Variants in LRRN2 observed in about 807,000 individuals in gnomAD.
LRRN2 encodes the protein leucine-rich repeat neuronal protein 2.
In LRRN2, 10 loss-of-function variants were observed where a neutral mutation model predicts 35.7. That is an observed-to-expected ratio of 0.28 (90% CI 0.17 to 0.47). The LOEUF (loss-of-function observed/expected upper bound fraction) is 0.47. Ranked by LOEUF, LRRN2 falls within the 20% of genes least tolerant of loss-of-function variation. The probability of loss-of-function intolerance (pLI) is 0.99; values close to 1 mark genes in which losing one functional copy is unlikely to be tolerated. For synonymous variants in LRRN2, 391 were observed against 409.6 expected (o/e 0.95, Z 0.55); for missense variants, 731 against 940.3 (o/e 0.78, Z 2.91).
At chr1:204,649,551 T>C (rs1668179248) in intron 1 of LRRN2, among the ~76,000 whole-genome samples, 1 of 152,100 alleles carries the variant, frequency 6.6e-6, no homozygotes, top group African/African-American at 2.4e-5. Context: ...CCAGGCATTG[T>C]GCAGGCAAGA....
At chr1:204,672,271 G>C (rs1668730694) in intron 1 of LRRN2, among the ~76,000 whole-genome samples, 1 of 152,116 alleles carries the variant, frequency 6.6e-6, no homozygotes, top group Admixed American at 6.5e-5. Context: ...TAGTCCCAAG[G>C]GCACTAATAC....
chr1:204,640,768 G>A (rs1667959071), intron 1 of LRRN2, among the ~76,000 whole-genome samples: 1 of 152,138 alleles, frequency 6.6e-6, no homozygotes, highest in African/African-American at 2.4e-5. Context: ...GCGGCCACTA[G>A]GTGACACCTT....
At chr1:204,649,865 C>T (rs887787969) in intron 1 of LRRN2, among the ~76,000 whole-genome samples, 1 of 152,132 alleles carries the variant, frequency 6.6e-6, no homozygotes, top group African/African-American at 2.4e-5. Context: ...GCAGAGGCAA[C>T]CTGGCGTGAA....
At chr1:204,667,700 G>A (rs191759380) in intron 1 of LRRN2, among the ~76,000 whole-genome samples, 9 of 152,244 alleles carry the variant, frequency 5.9e-5, no homozygotes, top group African/African-American at 7.2e-5. Context: ...TGGAAAAGAT[G>A]CCACTAGAGC....
chr1:204,631,258 ATAT>A (rs1558407641), intron 1 of LRRN2, among the ~76,000 whole-genome samples: 556 of 38,970 alleles, frequency 0.014, 92 homozygotes, highest in East Asian at 0.073. Flanking sequence ...AGAGTGTTCT[ATAT>A]ATATATATAT....
chr1:204,684,000 T>G (rs533990971), intron 1 of LRRN2, among the ~76,000 whole-genome samples: 1 of 152,294 alleles, frequency 6.6e-6, no homozygotes, highest in East Asian at 1.9e-4. Flanking sequence ...TTTGAAGGGA[T>G]CTTTAAGAAG....
chr1:204,634,622 G>C (rs1336657853), intron 1 of LRRN2, among the ~76,000 whole-genome samples: 1 of 152,156 alleles, frequency 6.6e-6, no homozygotes, highest in Non-Finnish European at 1.5e-5. Flanking sequence ...TGCTACAGCT[G>C]TGTGCCAAGG....
At chr1:204,669,124 T>G (rs1056464221) in intron 1 of LRRN2, among the ~76,000 whole-genome samples, 5 of 152,242 alleles carry the variant, frequency 3.3e-5, no homozygotes, top group African/African-American at 7.2e-5. Flanking sequence ...TGCGCCTGAC[T>G]GTAAATAGCT....
intron 1 of LRRN2, among the ~76,000 whole-genome samples, chr1:204,631,376 A>AAGGTC (rs1667701103): frequency 7.0e-6 from 1 of 142,528 alleles, no homozygotes; most frequent in Non-Finnish European, 1.5e-5. Context: ...TCCTGGCCAC[A>AAGGTC]AGGGAACTCT....
chr1:204,683,602 G>A (rs1571691531), intron 1 of LRRN2, among the ~76,000 whole-genome samples: 1 of 152,202 alleles, frequency 6.6e-6, no homozygotes, highest in Admixed American at 6.5e-5. Flanking sequence ...GCCACTCGGT[G>A]TTTCCCCGGG....
intron 1 of LRRN2, among the ~76,000 whole-genome samples, chr1:204,667,386 A>G (rs1178254151): frequency 6.6e-6 from 1 of 152,178 alleles, no homozygotes; most frequent in Admixed American, 6.5e-5. Flanking sequence ...AAAGGTTAAA[A>G]AACAACAATT....
At chr1:204,637,195 A>C (rs1340364139) in intron 1 of LRRN2, among the ~76,000 whole-genome samples, 9 of 152,260 alleles carry the variant, frequency 5.9e-5, no homozygotes. Flanking sequence ...TTGAATGTGA[A>C]GCCAGGACTG....
chr1:204,670,201 C>T (rs1668678028), intron 1 of LRRN2, among the ~76,000 whole-genome samples: 4 of 151,966 alleles, frequency 2.6e-5, no homozygotes, highest in African/African-American at 9.7e-5. Context: ...GACCCAGGTG[C>T]TGTTTAGGAG....
intron 1 of LRRN2, among the ~76,000 whole-genome samples, chr1:204,653,603 G>A (rs911366371): frequency 3.9e-5 from 6 of 152,184 alleles, no homozygotes. Flanking sequence ...GCTCATGCCT[G>A]TAATCCTAGT....
At chr1:204,682,051 C>T (rs2102247234) in intron 1 of LRRN2, among the ~76,000 whole-genome samples, 1 of 152,258 alleles carries the variant, frequency 6.6e-6, no homozygotes, top group Middle Eastern at 3.4e-3. Context: ...AGCTTCTAGT[C>T]CCCATCCTTT....
chr1:204,654,092 G>A (rs1418846353), intron 1 of LRRN2, among the ~76,000 whole-genome samples: 1 of 150,314 alleles, frequency 6.7e-6, no homozygotes, highest in Non-Finnish European at 1.5e-5. Context: ...GGGTCAAACA[G>A]CTGAAGCTGG....
chr1:204,680,463 G>A (rs753860186), intron 1 of LRRN2, among the ~76,000 whole-genome samples: 1 of 152,208 alleles, frequency 6.6e-6, no homozygotes, highest in East Asian at 1.9e-4. Context: ...AACCAAACCT[G>A]GTTAAACTCA....
intron 1 of LRRN2, among the ~76,000 whole-genome samples, chr1:204,637,370 G>C (rs76483845): frequency 4.7e-4 from 71 of 152,334 alleles, no homozygotes; most frequent in African/African-American, 1.5e-3. Context: ...GGCACATATA[G>C]ATGAGTGTAT....
chr1:204,665,006 A>C (rs1668547162), intron 1 of LRRN2, among the ~76,000 whole-genome samples: 1 of 152,008 alleles, frequency 6.6e-6, no homozygotes, highest in African/African-American at 2.4e-5. Context: ...CAGTGTCCTA[A>C]ATCAGACACG....
Sources: allele counts gnomAD v4.1 joint callset (sites outside exome capture counted in the v4.1 genomes callset), GRCh38; gene constraint gnomAD v4.1.1; transcripts MANE v1.5; gene names NCBI Gene and HGNC (gene_info 2026-07-23, HGNC 2026-07-21).